The following SDK2 variants were observed in gnomAD, a reference collection of about 807,000 sequenced individuals.
The protein encoded by SDK2 is protein sidekick-2.
Under a neutral mutation model 253.9 loss-of-function variants are expected in SDK2, and 105 were observed. That is an observed-to-expected ratio of 0.41 (90% CI 0.35 to 0.49). The LOEUF is 0.49. SDK2 is among the 20% of genes least tolerant of loss of function. The probability of loss-of-function intolerance (pLI) is 0.06; values close to 1 mark genes in which losing one functional copy is unlikely to be tolerated. For synonymous variants in SDK2, 1,249 were observed against 1,234.9 expected (o/e 1.01, Z -0.24); for missense variants, 2,608 against 3,003.0 (o/e 0.87, Z 3.07).
At position 73,552,587 on chromosome 17, in the gene SDK2, G is replaced by C. The variant is rs778396676; in HGVS notation, c.65-44990C>G. Among the ~76,000 whole-genome samples, 3 of 152,076 alleles carry C rather than the reference G, an allele frequency of 2.0e-5. No homozygotes were observed. In the South Asian group the frequency reaches 6.2e-4, roughly 32 times the overall value. On this transcript the variant is annotated intron_variant, in intron 1 of 44. Transcript: ENST00000392650. ...CATGAGCCACTTAGATTAGCTTCTC[G>C]GCACTCAAGAAGTACGTACGAGCAT...
At chr17:73,376,647 G>T (rs1874845) in intron 36 of SDK2, among the ~76,000 whole-genome samples, 1 of 152,106 alleles carries the variant, frequency 6.6e-6, no homozygotes, top group African/African-American at 2.4e-5. Flanking sequence ...TTGTGCACCT[G>T]CACATTTTCC....
intron 6 of SDK2, among the ~76,000 whole-genome samples, chr17:73,440,214 TCTC>T (rs145266254): frequency 0.016 from 2,405 of 151,930 alleles, 58 homozygotes; most frequent in African/African-American, 0.055. Context: ...TTCAAACGAT[TCTC>T]CTGTCAGCCT....
chr17:73,468,997 G>A (rs1599595453), intron 3 of SDK2, among the ~76,000 whole-genome samples: 1 of 148,186 alleles, frequency 6.7e-6, no homozygotes, highest in East Asian at 2.0e-4. Context: ...GCTAATTTTT[G>A]TATTCTTAGT....
intron 40 of SDK2, among the ~76,000 whole-genome samples, chr17:73,353,820 C>T (rs999174153): frequency 1.3e-5 from 2 of 150,936 alleles, no homozygotes; most frequent in Admixed American, 6.7e-5. Flanking sequence ...TTTCCTACCT[C>T]AGCCTCCCGG....
rs2063945691 is a variant in SDK2, at chr17:73,507,551, C to T, written c.111G>A (p.Val37=). 1 of 1,551,718 alleles carries T rather than the reference C, an allele frequency of 6.4e-7. No homozygotes were observed. Among genetic ancestry groups the T allele is most frequent in the Non-Finnish European group, 8.7e-7 (1 of 1,146,972 alleles). The change falls in exon 2 of 45, where the codon GTG becomes GTA. Residue 37 remains valine, a synonymous_variant. Coordinates refer to ENST00000392650, the MANE Select transcript of SDK2 (RefSeq NM_001144952.2). ...YFKTEPVRTQ[V]HLEGNRLVLT... ...GCACCAGGCGGTTTCCTTCCAAGTG[C>T]ACCTGTGTCCGCACAGGCTCTGTCT...
At chr17:73,635,965 G>A (rs1027511797) in intron 1 of SDK2, among the ~76,000 whole-genome samples, 3 of 152,204 alleles carry the variant, frequency 2.0e-5, no homozygotes, top group Non-Finnish European at 2.9e-5. Flanking sequence ...AGGAGGAGGA[G>A]GAGGAAAAGG....
chr17:73,547,513 G>A (rs892087527), intron 1 of SDK2, among the ~76,000 whole-genome samples: 1 of 152,194 alleles, frequency 6.6e-6, no homozygotes, highest in African/African-American at 2.4e-5. Flanking sequence ...GGAAGCCACC[G>A]AAGGGTACAG....
intron 24 of SDK2, among the ~76,000 whole-genome samples, chr17:73,397,444 G>A (rs1448730386): frequency 1.3e-5 from 2 of 152,182 alleles, no homozygotes; most frequent in African/African-American, 2.4e-5. Context: ...GAGAACTTGG[G>A]CGAGTGATCT....
chr17:73,579,035 C>T (rs1408135171), intron 1 of SDK2, among the ~76,000 whole-genome samples: 1 of 152,116 alleles, frequency 6.6e-6, no homozygotes, highest in Non-Finnish European at 1.5e-5. Flanking sequence ...ACCCAGGAGC[C>T]ATCCCCACCC....
At chr17:73,343,228 T>C (rs1277480298) in intron 44 of SDK2, among the ~76,000 whole-genome samples, 1 of 152,206 alleles carries the variant, frequency 6.6e-6, no homozygotes, top group Non-Finnish European at 1.5e-5. Context: ...ATCTCGGGGA[T>C]GGAAGGCACT....
Position 73,455,529 on chromosome 17 carries a change from C to A in SDK2, c.479+377G>T, listed in dbSNP as rs867355455. Among the ~76,000 whole-genome samples, 1 of 152,200 alleles carries A rather than the reference C, an allele frequency of 6.6e-6. No homozygotes were observed. The highest frequency in any genetic ancestry group is 1.5e-5 in the Non-Finnish European group (1 of 68,026). On this transcript the variant is annotated intron_variant, in intron 4 of 44. Coordinates refer to ENST00000392650, the MANE Select transcript of SDK2 (RefSeq NM_001144952.2). The surrounding 1 kb of genome is among the most constrained non-coding windows in gnomAD (Gnocchi z 5.0). ...CAGGGCCTCCCGGCTGCCCAGGAGA[C>A]GCCAGCCTCTCCAAGGTCCCCCAGC... is the stretch of plus-strand genomic sequence containing the variant.
intron 37 of SDK2, among the ~76,000 whole-genome samples, chr17:73,365,883 T>C (rs1218498176): frequency 6.6e-6 from 1 of 152,088 alleles, no homozygotes; most frequent in East Asian, 1.9e-4. Flanking sequence ...CTCCTGGGGC[T>C]CCAGGGCTTG....
intron 29 of SDK2, among the ~76,000 whole-genome samples, chr17:73,388,366 C>T (rs1478479500): frequency 3.3e-5 from 5 of 152,164 alleles, no homozygotes; most frequent in South Asian, 2.1e-4. Flanking sequence ...GAGGCTGAGC[C>T]GGGCCCTGCG....
intron 32 of SDK2, 41 bp downstream of exon 32, chr17:73,385,805 CG>C: frequency 6.5e-7 from 1 of 1,540,050 alleles, no homozygotes; most frequent in Non-Finnish European, 8.8e-7. Flanking sequence ...GAGCAGAGCT[CG>C]TCTGGGTCTT....
At chr17:73,400,922 AC>A in intron 21 of SDK2, 97 bp downstream of exon 21, 1 of 1,204,826 alleles carries the variant, frequency 8.3e-7, no homozygotes, top group Middle Eastern at 2.9e-4. Context: ...TGCTGGGACT[AC>A]AGGCATGAGC....
chr17:73,377,321 C>T lies in SDK2; in HGVS notation c.4980+1856G>A, dbSNP rs532348652. Reference sequence around the variant, plus strand: ...GCAACCTCTGTCTCCTGGGTTCAAACGATTCTCCTGCCTCAGCCTCCCAAA... The same window carrying T: ...GCAACCTCTGTCTCCTGGGTTCAAATGATTCTCCTGCCTCAGCCTCCCAAA... On this transcript the variant is annotated intron_variant, in intron 36 of 44. Coordinates refer to ENST00000392650, the MANE Select transcript of SDK2 (RefSeq NM_001144952.2). Among the ~76,000 whole-genome samples, 9 of 149,286 alleles carry T rather than the reference C, an allele frequency of 6.0e-5. No homozygotes were observed. The East Asian group carries it at 8.0e-4, about 13-fold the overall frequency.
intron 2 of SDK2, among the ~76,000 whole-genome samples, chr17:73,483,179 C>T (rs1204436842): frequency 6.6e-6 from 1 of 151,956 alleles, no homozygotes; most frequent in Non-Finnish European, 1.5e-5. Context: ...AGAAATTCCT[C>T]TGGGGAGCTG....
At chr17:73,371,304 G>A (rs1394071719) in intron 36 of SDK2, among the ~76,000 whole-genome samples, 1 of 151,862 alleles carries the variant, frequency 6.6e-6, no homozygotes, top group Non-Finnish European at 1.5e-5. Flanking sequence ...ATTCTCTTAG[G>A]TAGAGAAGAG....
At position 73,350,552 on chromosome 17, in the gene SDK2, C is replaced by T. The variant is rs570393817; in HGVS notation, c.5899+98G>A. On this transcript the variant is annotated intron_variant, in intron 42 of 44. Transcript: ENST00000392650. ...CCACCCACCAGAGCAGGTGCGCTGC[C>T]AGGAGCCAGGAGAGGGACCTGATCA... 259 of 1,437,638 alleles carry T rather than the reference C, an allele frequency of 1.8e-4. No homozygotes were observed. In the South Asian group the frequency reaches 3.2e-3, roughly 18 times the overall value. 89.1% of individuals were successfully genotyped at this position (1,437,638 alleles called of 1,614,324 possible).
Sources: allele counts gnomAD v4.1 joint callset (sites outside exome capture counted in the v4.1 genomes callset), GRCh38; gene constraint gnomAD v4.1.1; non-coding constraint Gnocchi (gnomAD v3.1); transcripts MANE v1.5; gene names NCBI Gene and HGNC (gene_info 2026-07-23, HGNC 2026-07-21).